VWF: variants seen among roughly 807,000 people sequenced by gnomAD.
VWF encodes Factor VIII related antigen.
A neutral mutation model predicts 308.6 loss-of-function variants in VWF; 176 were observed. That is an observed-to-expected ratio of 0.57 (90% CI 0.50 to 0.65). The LOEUF (loss-of-function observed/expected upper bound fraction) is 0.65. Among genes scored for constraint, VWF ranks in the 30% least tolerant of loss-of-function variants. The probability of loss-of-function intolerance (pLI) is 0.00; values close to 1 mark genes in which losing one functional copy is unlikely to be tolerated. For synonymous variants in VWF, 1,385 were observed against 1,443.4 expected (o/e 0.96, Z 0.92); for missense variants, 3,146 against 3,648.2 (o/e 0.86, Z 3.55).
chr12:6,054,550 G>C (rs1038869730), intron 15 of VWF, among the ~76,000 whole-genome samples: 46 of 152,306 alleles, frequency 3.0e-4, no homozygotes, highest in African/African-American at 9.4e-4. Flanking sequence ...TCTCAGTTTA[G>C]CAGACACTTC....
chr12:5,997,841 T>TA (rs1183867348), intron 34 of VWF, among the ~76,000 whole-genome samples: 1 of 152,242 alleles, frequency 6.6e-6, no homozygotes, highest in Non-Finnish European at 1.5e-5. Context: ...CCATATATAT[T>TA]AACACATTCC....
intron 47 of VWF, among the ~76,000 whole-genome samples, chr12:5,960,753 T>TGGGGAACCATTTGTCAG (rs1457739255): frequency 2.0e-5 from 3 of 152,238 alleles, no homozygotes; most frequent in Non-Finnish European, 2.9e-5. Flanking sequence ...TCTTAAAATA[T>TGGGGAACCATTTGTCAG]ACAGCAAAAC....
chr12:5,968,605 A>G (rs568748524), intron 45 of VWF, among the ~76,000 whole-genome samples: 63 of 152,274 alleles, frequency 4.1e-4, no homozygotes, highest in African/African-American at 1.4e-3. Flanking sequence ...AGACCAGCCC[A>G]GCCAACATAG....
chr12:6,047,658 G>A (rs947509268), intron 16 of VWF, among the ~76,000 whole-genome samples: 3 of 152,224 alleles, frequency 2.0e-5, no homozygotes, highest in African/African-American at 4.8e-5. Context: ...TTTATAAAAC[G>A]TCTGTGGTTG....
rs1243005832 is a variant in VWF, at chr12:5,952,375, C to T, written c.8115+16G>A. 1 of 1,613,522 alleles carries T rather than the reference C, an allele frequency of 6.2e-7. No homozygotes were observed. The highest frequency in any genetic ancestry group is 2.2e-5 in the East Asian group (1 of 44,868). On this transcript the variant is annotated intron_variant, in intron 49 of 51. Coordinates refer to ENST00000261405, the MANE Select transcript of VWF (RefSeq NM_000552.5). Reference sequence around the variant, plus strand: ...GAGATTGAGACAGTAAAGAGGAAAGCAGAATGAGTACTCACTCCCTCAGCC... The same window carrying T: ...GAGATTGAGACAGTAAAGAGGAAAGTAGAATGAGTACTCACTCCCTCAGCC...
At chr12:5,985,720 A>G in intron 38 of VWF, 55 bp from the exon 39 acceptor site, 1 of 1,537,636 alleles carries the variant, frequency 6.5e-7, no homozygotes, top group Non-Finnish European at 8.9e-7. Flanking sequence ...TACGAAGCCC[A>G]GAATTCACAG....
chr12:6,091,042 T>C (rs1306821339), intron 6 of VWF, among the ~76,000 whole-genome samples: 1 of 152,194 alleles, frequency 6.6e-6, no homozygotes, highest in East Asian at 1.9e-4. Flanking sequence ...GATGCAGACT[T>C]TGATGGACTA....
At position 6,110,471 on chromosome 12, in the gene VWF, G is replaced by C. The variant is rs1591924311; in HGVS notation, c.435C>G (p.Asn145Lys). 6.2e-7 allele frequency: 1 copy of C among 1,614,186 alleles called. No homozygotes were observed. The highest frequency in any genetic ancestry group is 8.5e-7 in the Non-Finnish European group (1 of 1,180,046). The change falls in exon 5 of 52, where the codon AAC becomes AAG. Residue 145 changes from asparagine to lysine, a missense_variant. Physicochemically the swap from Asn to Lys is moderately conservative, Grantham distance 94. Transcript: ENST00000261405. ...ATCTGTCTGACAGCAGGACTTGAAA[G>C]TTGCCGCTGCCATCGATCCTGGCCA... ...GFVARIDGSG[N>K]FQVLLSDRYF...
intron 46 of VWF, 146 bp from the exon 47 acceptor site, chr12:5,967,748 C>T: frequency 1.3e-6 from 1 of 782,246 alleles, no homozygotes. Context: ...TGGCCCACTG[C>T]CTTCCCGTCC....
At position 6,020,302 on chromosome 12, in the gene VWF, G is replaced by A. The variant is rs1177275938; in HGVS notation, c.3675-559C>T. ...AAAAAATTGGAGCAAAAACATTGTA[G>A]AAAGATGAATAAAGATTCAAAACCC... On this transcript the variant is annotated intron_variant, in intron 27 of 51. Coordinates refer to ENST00000261405, the MANE Select transcript of VWF (RefSeq NM_000552.5). This position sits in a 1 kb window ranked among gnomAD's most constrained non-coding sequence, Gnocchi z 4.3. 6.6e-6 allele frequency among the ~76,000 whole-genome samples: 1 copy of A among 152,246 alleles called. No homozygotes were observed. Among genetic ancestry groups the A allele is most frequent in the East Asian group, 1.9e-4 (1 of 5,202 alleles).
rs1457758582 is a variant in VWF at position 6,046,189 on chromosome 12, A to G, written c.2281+534T>C. Among the ~76,000 whole-genome samples the G allele has an allele frequency of 6.6e-6, 1 of 152,022 alleles. No individual in the cohort carries two copies. Among genetic ancestry groups the G allele is most frequent in the Non-Finnish European group, 1.5e-5 (1 of 68,014 alleles). ...CAGTGAGCTGAGATTGCACCACTGC[A>G]CTCCAACCTGGGTGACAGAGTGAGA... is the stretch of plus-strand genomic sequence containing the variant. On this transcript the variant is annotated intron_variant, in intron 17 of 51. Transcript: ENST00000261405. The surrounding 1 kb of genome is among the most constrained non-coding windows in gnomAD (Gnocchi z 5.0).
In VWF at chr12:6,019,005, G is replaced by A. The variant is rs374092740; in HGVS notation, c.4413C>T (p.Pro1471=). Reference sequence around the variant, plus strand: ...GGCCCACAGTGACTTGTGCCATGTCGGGGGGCAGAGTAGGAGGAGGGGCTT... The same window carrying A: ...GGCCCACAGTGACTTGTGCCATGTCAGGGGGCAGAGTAGGAGGAGGGGCTT... ...APEAPPPTLP[P]DMAQVTVGPG... Residue 1471 remains proline, a synonymous_variant, in exon 28 of 52, where the codon CCC becomes CCT. Transcript: ENST00000261405. The surrounding 1 kb of genome is among the most constrained non-coding windows in gnomAD (Gnocchi z 5.8). 58 of 1,613,192 alleles carry A rather than the reference G, an allele frequency of 3.6e-5. No homozygotes were observed. In the East Asian group the frequency reaches 8.2e-4, roughly 23 times the overall value.
At chr12:6,105,162 T>C (rs1755036006) in intron 5 of VWF, among the ~76,000 whole-genome samples, 1 of 152,190 alleles carries the variant, frequency 6.6e-6, no homozygotes, top group South Asian at 2.1e-4. Flanking sequence ...TATTGTACCC[T>C]AAAAGTCCTG....
intron 34 of VWF, among the ~76,000 whole-genome samples, chr12:6,009,343 T>A (rs938481830): frequency 6.6e-6 from 1 of 150,440 alleles, no homozygotes; most frequent in Non-Finnish European, 1.5e-5. Flanking sequence ...TGAAAAAATA[T>A]CCAACATTAC....
intron 3 of VWF, among the ~76,000 whole-genome samples, chr12:6,115,212 T>A (rs866590793): frequency 6.6e-6 from 1 of 151,970 alleles, no homozygotes; most frequent in Non-Finnish European, 1.5e-5. Context: ...AATTTTTGTA[T>A]ATTTTTGTAC....
chr12:6,118,688 C>A (rs925277010), intron 3 of VWF, among the ~76,000 whole-genome samples: 8 of 152,080 alleles, frequency 5.3e-5, no homozygotes, highest in African/African-American at 1.9e-4. Context: ...CACCCGTGCA[C>A]CCGGCCTCTT....
chr12:5,962,609 C>G (rs1286452125), intron 47 of VWF, among the ~76,000 whole-genome samples: 1 of 103,848 alleles, frequency 9.6e-6, no homozygotes, highest in Non-Finnish European at 1.8e-5. Context: ...GTGGTACAAT[C>G]TCGGCTCACT....
In VWF at chr12:6,072,437, G is replaced by A; in HGVS notation, c.1003C>T (p.Gln335Ter). 1 of 1,613,898 alleles carries A rather than the reference G, an allele frequency of 6.2e-7. No individual in the cohort carries two copies. The highest frequency in any genetic ancestry group is 8.5e-7 in the Non-Finnish European group (1 of 1,179,894). The change falls in exon 9 of 52, where the codon CAG (glutamine) becomes TAG (stop). Residue 335 changes from glutamine to a stop codon, truncating the protein, a stop_gained. Transcript: ENST00000261405. LOFTEE classifies it high-confidence loss of function. Reference sequence around the variant, plus strand: ...ACGCAGAGGCCTTCATCCAGGAGCTGTCCCTCTGGGGTCAAGGGCATCAAG... The same window carrying A: ...ACGCAGAGGCCTTCATCCAGGAGCTATCCCTCTGGGGTCAAGGGCATCAAG... ...CVDGCSCPEG[Q>*]LLDEGLCVES... is the part of the protein sequence containing the mutation.
In VWF at chr12:6,016,802, C is replaced by A; in HGVS notation, c.5122G>T (p.Asp1708Tyr). The change falls in exon 29 of 52, where the codon GAT becomes TAT. Residue 1708 changes from aspartate to tyrosine, a missense_variant. Transcript: ENST00000261405. ...GSSSFPASYFDEMKSFAKAFI... is the reference protein window; with the variant it reads ...GSSSFPASYFYEMKSFAKAFI... ...GCCTTGGCGAAACTCTTCATTTCAT[C>A]AAAATAAGAAGCTGGGAAACTGGAG... 1.2e-6 allele frequency: 2 copies of A among 1,614,060 alleles called. No homozygotes were observed. The highest frequency in any genetic ancestry group is 1.7e-6 in the Non-Finnish European group (2 of 1,180,040).
Sources: allele counts gnomAD v4.1 joint callset (sites outside exome capture counted in the v4.1 genomes callset), GRCh38; gene constraint gnomAD v4.1.1; non-coding constraint Gnocchi (gnomAD v3.1); transcripts MANE v1.5; gene names NCBI Gene and HGNC (gene_info 2026-07-23, HGNC 2026-07-21).